The following GFRA1 variants were observed in gnomAD, a reference collection of about 807,000 sequenced individuals.
GFRA1 encodes GDNF family receptor alpha-1.
Under a neutral mutation model 51.6 loss-of-function variants are expected in GFRA1, and 16 were observed. That is an observed-to-expected ratio of 0.31 (90% CI 0.21 to 0.47). The LOEUF is 0.47. GFRA1 is among the 20% of genes least tolerant of loss of function. GFRA1 has a pLI of 1.00. For synonymous variants in GFRA1, 270 were observed against 241.3 expected (o/e 1.12, Z -1.10); for missense variants, 530 against 594.3 (o/e 0.89, Z 1.13).
intron 4 of GFRA1, among the ~76,000 whole-genome samples, chr10:116,246,152 A>G (rs1430165766): frequency 6.6e-6 from 1 of 152,220 alleles, no homozygotes; most frequent in Non-Finnish European, 1.5e-5. Context: ...TGTTAATAAT[A>G]GGAGGAACTG....
chr10:116,212,237 G>C (rs1419809221), intron 4 of GFRA1, among the ~76,000 whole-genome samples: 1 of 151,980 alleles, frequency 6.6e-6, no homozygotes, highest in Non-Finnish European at 1.5e-5. Flanking sequence ...CACACATCTA[G>C]GGCCAGGCAC....
intron 6 of GFRA1, among the ~76,000 whole-genome samples, chr10:116,103,418 T>G (rs1204458445): frequency 2.0e-5 from 3 of 152,208 alleles, no homozygotes. Context: ...GGCCCTTATA[T>G]TACATACTTT....
intron 9 of GFRA1, among the ~76,000 whole-genome samples, chr10:116,085,042 G>A (rs922101359): frequency 4.6e-5 from 7 of 152,182 alleles, no homozygotes; most frequent in South Asian, 2.1e-4. Flanking sequence ...CCCAAAACCC[G>A]GTATTTTATC....
rs967756979 is a variant in GFRA1 at position 116,227,002 on chromosome 10, C to T, written c.419-15357G>A. 2.0e-5 allele frequency among the ~76,000 whole-genome samples: 3 copies of T among 152,116 alleles called. No homozygotes were observed. In the East Asian group the frequency reaches 5.8e-4, roughly 29 times the overall value. ...GGCTGTAAATACAGATGAAGCTTCA[C>T]TCACTTGCCTGCTACTCACCTCCTG... On this transcript the variant is annotated intron_variant, in intron 4 of 10. Transcript: ENST00000355422.
intron 5 of GFRA1, among the ~76,000 whole-genome samples, chr10:116,147,101 T>C (rs1958835599): frequency 6.6e-6 from 1 of 152,108 alleles, no homozygotes; most frequent in Non-Finnish European, 1.5e-5. Flanking sequence ...TTGATAAAGG[T>C]GGGCTTGTAC....
chr10:116,223,139 G>A (rs186226289), intron 4 of GFRA1, among the ~76,000 whole-genome samples: 2 of 152,228 alleles, frequency 1.3e-5, no homozygotes, highest in African/African-American at 4.8e-5. Flanking sequence ...ATCAGAGGGT[G>A]CAGCAAAATA....
Position 116,172,571 on chromosome 10 carries a change from G to T in GFRA1, c.433+39060C>A, listed in dbSNP as rs183558839. On this transcript the variant is annotated intron_variant, in intron 5 of 10. Transcript: ENST00000355422. ...TCCCTTCTTGAAGGAAGAATGGGTTGGGGGGCAGAGGGTTCAGAGAAGGAG... is the reference window on the plus strand; with the variant it reads ...TCCCTTCTTGAAGGAAGAATGGGTTTGGGGGCAGAGGGTTCAGAGAAGGAG... Among the ~76,000 whole-genome samples, 332 of 152,244 alleles carry T rather than the reference G, an allele frequency of 2.2e-3. 3 individuals carry two copies. The highest frequency in any genetic ancestry group is 7.7e-3 in the African/African-American group (320 of 41,570).
At chr10:116,095,569 G>A (rs1240436488) in intron 7 of GFRA1, among the ~76,000 whole-genome samples, 2 of 152,126 alleles carry the variant, frequency 1.3e-5, no homozygotes, top group Non-Finnish European at 2.9e-5. Flanking sequence ...AAATACTTGG[G>A]GATCTGGGGA....
Position 116,176,250 on chromosome 10 carries a change from G to A in GFRA1, c.433+35381C>T, listed in dbSNP as rs147652885. On this transcript the variant is annotated intron_variant, in intron 5 of 10. Transcript: ENST00000355422. The stretch of plus-strand genomic sequence containing the variant: ...TAGACCTTGGGAAGATGGAACAAAA[G>A]TGCCTGCATGAACACTTAAGGACTC... 4.6e-5 allele frequency among the ~76,000 whole-genome samples: 7 copies of A among 152,304 alleles called. No homozygotes were observed. The East Asian group carries it at 1.2e-3, about 25-fold the overall frequency.
chr10:116,132,915 C>G (rs1379933307), intron 5 of GFRA1, among the ~76,000 whole-genome samples: 1 of 152,150 alleles, frequency 6.6e-6, no homozygotes, highest in African/African-American at 2.4e-5. Flanking sequence ...TGGGCACAAG[C>G]GCCTTCTCGC....
In GFRA1 at chr10:116,133,400, G is replaced by A. The variant is rs138616609; in HGVS notation, c.434-7843C>T. Among the ~76,000 whole-genome samples, 166 of 152,172 alleles carry A rather than the reference G, an allele frequency of 1.1e-3. 2 individuals are homozygous for A. The highest frequency in any genetic ancestry group is 6.0e-3 in the Admixed American group (92 of 15,288). ...GGGAGGTATAACATTCATGGCAACC[G>A]AGGGTGAGATCCCAAAACCTAGGAC... On this transcript the variant is annotated intron_variant, in intron 5 of 10. Coordinates refer to ENST00000355422, the MANE Select transcript of GFRA1 (RefSeq NM_005264.8).
chr10:116,200,803 C>T (rs1201612524), intron 5 of GFRA1, among the ~76,000 whole-genome samples: 6 of 152,186 alleles, frequency 3.9e-5, no homozygotes, highest in East Asian at 3.9e-4. Context: ...TTCTAATGCA[C>T]ACATTGGGGT....
In GFRA1 at chr10:116,142,629, C is replaced by T. The variant is rs376501179; in HGVS notation, c.434-17072G>A. Among the ~76,000 whole-genome samples the T allele has an allele frequency of 9.2e-5, 14 of 152,242 alleles. 1 individual carries two copies. Among genetic ancestry groups the T allele is most frequent in the Admixed American group, 8.5e-4 (13 of 15,282 alleles). On this transcript the variant is annotated intron_variant, in intron 5 of 10. Transcript: ENST00000355422. Reference sequence around the variant, plus strand: ...TAGCTTCTAATGGACTTTGCGTGTACGTCAGATTGCTTTGTGCCCTTTGAT... The same window carrying T: ...TAGCTTCTAATGGACTTTGCGTGTATGTCAGATTGCTTTGTGCCCTTTGAT...
intron 5 of GFRA1, among the ~76,000 whole-genome samples, chr10:116,145,785 G>A (rs962797047): frequency 4.6e-5 from 7 of 151,976 alleles, no homozygotes; most frequent in Admixed American, 1.3e-4. Context: ...CAAATTAGTC[G>A]CTATTATAAC....
At chr10:116,169,060 T>C (rs188232160) in intron 5 of GFRA1, among the ~76,000 whole-genome samples, 117 of 152,274 alleles carry the variant, frequency 7.7e-4, no homozygotes, top group Admixed American at 2.4e-3. Context: ...ATCCCCTCTG[T>C]CACCTCCCAC....
intron 5 of GFRA1, among the ~76,000 whole-genome samples, chr10:116,203,564 TG>T (rs1164263949): frequency 6.6e-6 from 1 of 152,192 alleles, no homozygotes; most frequent in African/African-American, 2.4e-5. Context: ...GAGAGGCAGC[TG>T]GGGGAAGGTG....
Position 116,096,662 on chromosome 10 carries a change from C to T in GFRA1, c.873G>A (p.Gly291=), listed in dbSNP as rs189305513. Residue 291 remains glycine, a synonymous_variant, in exon 7 of 11, where the codon GGG becomes GGA. Coordinates refer to ENST00000355422, the MANE Select transcript of GFRA1 (RefSeq NM_005264.8). ...GCTTCTCTCGGATCTTACCAATAAG[C>T]CCCGAGTAGGCGAGGAGGCAGTCAG... ...NYADCLLAYS[G]LIGTVMTPNY... 2.6e-6 allele frequency: 4 copies of T among 1,562,988 alleles called. No individual in the cohort carries two copies. The highest frequency in any genetic ancestry group is 2.7e-5 in the African/African-American group (2 of 73,934).
chr10:116,256,597 T>C (rs1008657295), intron 4 of GFRA1, among the ~76,000 whole-genome samples: 1 of 142,332 alleles, frequency 7.0e-6, no homozygotes, highest in African/African-American at 2.5e-5. Flanking sequence ...CCTCCCTTCC[T>C]CCCCATCCTC....
chr10:116,228,390 C>T (rs777254440), intron 4 of GFRA1, among the ~76,000 whole-genome samples: 1 of 152,192 alleles, frequency 6.6e-6, no homozygotes, highest in Non-Finnish European at 1.5e-5. Context: ...AAGTCTAACC[C>T]ACTCTCTATT....
Sources: allele counts gnomAD v4.1 joint callset (sites outside exome capture counted in the v4.1 genomes callset), GRCh38; gene constraint gnomAD v4.1.1; transcripts MANE v1.5; gene names NCBI Gene and HGNC (gene_info 2026-07-23, HGNC 2026-07-21).